Variants in ZNF69 observed in about 807,000 individuals in gnomAD.
The protein encoded by ZNF69 is zinc finger protein 69.
Under a neutral mutation model 50.9 loss-of-function variants are expected in ZNF69, and 47 were observed. The observed-to-expected ratio is 0.92, with a 90% CI of 0.73 to 1.18. ZNF69 has a LOEUF of 1.18. Among genes scored for constraint, ZNF69 ranks in the 50% most tolerant of loss-of-function variants. The pLI, the probability that ZNF69 is intolerant of heterozygous loss-of-function variation, is 0.00. For synonymous variants in ZNF69, 216 were observed against 223.1 expected (o/e 0.97, Z 0.29); for missense variants, 717 against 675.1 (o/e 1.06, Z -0.69).
downstream of ZNF69, among the ~76,000 whole-genome samples, chr19:11,916,042 A>T (rs796415166): frequency 7.9e-5 from 12 of 152,340 alleles, no homozygotes; most frequent in African/African-American, 2.9e-4. Flanking sequence ...AAAGCTAGGG[A>T]TCCACAGGCA....
the ZNF69 span, among the ~76,000 whole-genome samples, chr19:11,947,733 T>A: frequency 2.0e-5 from 3 of 152,240 alleles, no homozygotes; most frequent in South Asian, 6.2e-4. Flanking sequence ...TGACTGAGGC[T>A]GAGGGCTCAC....
chr19:11,966,442 C>T, the ZNF69 span, among the ~76,000 whole-genome samples: 1 of 152,154 alleles, frequency 6.6e-6, no homozygotes. Flanking sequence ...GGCTGGATCT[C>T]GGCTCACAGC....
chr19:11,916,311 G>A (rs115841005), downstream of ZNF69, among the ~76,000 whole-genome samples: 1,828 of 152,022 alleles, frequency 0.012, 31 homozygotes, highest in African/African-American at 0.042. Flanking sequence ...GCTTAGAAGG[G>A]GTCAGTCAAA....
the ZNF69 span, among the ~76,000 whole-genome samples, chr19:11,936,866 A>G: frequency 1.3e-5 from 2 of 152,184 alleles, no homozygotes; most frequent in African/African-American, 4.8e-5. Context: ...ATTTTTGTGT[A>G]AGGTGTAAGG....
the ZNF69 span, among the ~76,000 whole-genome samples, chr19:11,951,967 T>C: frequency 2.6e-5 from 4 of 152,076 alleles, no homozygotes; most frequent in Admixed American, 2.6e-4. Flanking sequence ...CTGAGGTCAA[T>C]ACTTTGAGAC....
At chr19:11,919,217 C>A (rs1421728093), downstream of ZNF69, among the ~76,000 whole-genome samples, 1 of 151,926 alleles carries the variant, frequency 6.6e-6, no homozygotes, top group African/African-American at 2.4e-5. Context: ...TTTTTATTCT[C>A]ATTTTTTCCT....
chr19:11,938,653 CTT>C, the ZNF69 span, among the ~76,000 whole-genome samples: 2 of 152,140 alleles, frequency 1.3e-5, no homozygotes, highest in African/African-American at 4.8e-5. Context: ...GGTTCCAAGT[CTT>C]TGCTATTGTG....
downstream of ZNF69, among the ~76,000 whole-genome samples, chr19:11,915,031 CTG>C (rs543497833): frequency 1.3e-5 from 2 of 152,186 alleles, no homozygotes; most frequent in Non-Finnish European, 1.5e-5. Flanking sequence ...TGGTGAAACC[CTG>C]TCTCTACTAA....
At chr19:11,958,778 T>C in the ZNF69 span, among the ~76,000 whole-genome samples, 6 of 152,254 alleles carry the variant, frequency 3.9e-5, no homozygotes. Flanking sequence ...TGAGGCAGGC[T>C]GCCTACCTGA....
At chr19:11,939,675 G>A in the ZNF69 span, among the ~76,000 whole-genome samples, 223 of 152,276 alleles carry the variant, frequency 1.5e-3, no homozygotes, top group African/African-American at 5.1e-3. Flanking sequence ...TGGCCAGGCA[G>A]GTCTCAAACT....
At chr19:11,892,436 G>T (rs1363421379) in intron 1 of ZNF69, among the ~76,000 whole-genome samples, 2 of 152,056 alleles carry the variant, frequency 1.3e-5, no homozygotes, top group South Asian at 2.1e-4. Context: ...AGAAAGTTAA[G>T]AGGGAAGTTA....
chr19:11,934,178 T>C, the ZNF69 span, among the ~76,000 whole-genome samples: 1 of 147,658 alleles, frequency 6.8e-6, no homozygotes, highest in Non-Finnish European at 1.5e-5. Context: ...AGACCTCATC[T>C]ATTTTTTTTT....
the ZNF69 span, among the ~76,000 whole-genome samples, chr19:11,964,862 C>T: frequency 2.0e-5 from 3 of 152,230 alleles, no homozygotes; most frequent in East Asian, 1.9e-4. Context: ...GGAAGCACCT[C>T]GCCCTTAGAG....
chr19:11,925,098 G>A, the ZNF69 span: 4 of 1,234,268 alleles, frequency 3.2e-6, no homozygotes, highest in South Asian at 1.2e-5. Context: ...AAATGGAGGG[G>A]GTCGCTTTCC....
At chr19:11,965,355 C>G in the ZNF69 span, 1 of 1,164,862 alleles carries the variant, frequency 8.6e-7, no homozygotes, top group South Asian at 1.4e-5. Flanking sequence ...GGCCCTCGGT[C>G]CCCTCGGCCG....
chr19:11,956,486 T>C, the ZNF69 span: 1 of 398,214 alleles, frequency 2.5e-6, no homozygotes. Context: ...AAACACTGGG[T>C]ATTTTCTCAT....
intron 1 of ZNF69, among the ~76,000 whole-genome samples, chr19:11,902,113 A>G (rs776068100): frequency 6.6e-5 from 10 of 151,360 alleles, no homozygotes; most frequent in Non-Finnish European, 1.3e-4. Flanking sequence ...CTCCTGAGTA[A>G]CTAGGTTTAC....
At chr19:11,953,560 A>G in the ZNF69 span, among the ~76,000 whole-genome samples, 3 of 152,240 alleles carry the variant, frequency 2.0e-5, no homozygotes, top group Non-Finnish European at 4.4e-5. Flanking sequence ...TATTTTAGCA[A>G]TCCACACACT....
the ZNF69 span, among the ~76,000 whole-genome samples, chr19:11,968,878 A>G: frequency 6.6e-6 from 1 of 152,160 alleles, no homozygotes; most frequent in African/African-American, 2.4e-5. Flanking sequence ...TATTAAATTT[A>G]AAAAGACAGT....
Sources: gnomAD v4.1 joint callset for allele counts (sites outside exome capture counted in the v4.1 genomes callset) on GRCh38, gnomAD v4.1.1 for gene constraint, MANE v1.5 for transcripts, NCBI Gene and HGNC (gene_info 2026-07-23, HGNC 2026-07-21) for gene names.